TAF1: variants seen among roughly 807,000 people sequenced by gnomAD.
TAF1 encodes the protein TATA-box binding protein associated factor 1.
In TAF1, 2 loss-of-function variants were observed where a neutral mutation model predicts 138.5. The ratio of observed to expected loss-of-function variants is 0.01; its 90% CI spans 0.01 to 0.05. The LOEUF is 0.05. TAF1 is among the 10% of genes least tolerant of loss of function. The pLI is 1.00. For synonymous variants in TAF1, 437 were observed against 503.2 expected (o/e 0.87, Z 1.76); for missense variants, 709 against 1,478.0 (o/e 0.48, Z 8.53).
chrX:71,393,221 G>A (rs2148375916), intron 20 of TAF1, 80 bp from the exon 21 acceptor site: 1 of 1,037,859 alleles, frequency 9.6e-7, no homozygotes, highest in East Asian at 3.2e-5. Flanking sequence ...ATCCCTGAAT[G>A]ATTTGTGTGT....
chrX:71,508,086 C>CTCTCTCTCTCTATATA (rs4040068), intron 13 of TAF1, among the ~76,000 whole-genome samples: 62 of 92,173 alleles, frequency 6.7e-4, no homozygotes, highest in Middle Eastern at 5.7e-3. Context: ...CTCTCTCTCT[C>CTCTCTCTCTCTATATA]TATATATATA....
chrX:71,469,692 A>G (rs1335193350), downstream of TAF1, among the ~76,000 whole-genome samples: 2 of 109,922 alleles, frequency 1.8e-5, no homozygotes, highest in African/African-American at 6.6e-5. Context: ...ATACAGTTTT[A>G]TTTTTTATTT....
intron 29 of TAF1, among the ~76,000 whole-genome samples, chrX:71,422,897 G>A (rs983409851): frequency 1.2e-4 from 13 of 110,279 alleles, no homozygotes; most frequent in Admixed American, 1.9e-4. Flanking sequence ...CCGCCACCAC[G>A]CCCAGCTAGT....
intron 32 of TAF1, among the ~76,000 whole-genome samples, chrX:71,451,347 G>T (rs1217205780): frequency 4.5e-5 from 5 of 111,951 alleles, no homozygotes; most frequent in African/African-American, 1.6e-4. Flanking sequence ...ATGATTCAAA[G>T]AAATAAATGT....
At chrX:71,427,586 A>G (rs1454106898) in intron 32 of TAF1, among the ~76,000 whole-genome samples, 1 of 112,169 alleles carries the variant, frequency 8.9e-6, no homozygotes, top group Non-Finnish European at 1.9e-5. Flanking sequence ...AAATCACAAA[A>G]GAGAAAAATT....
chrX:71,410,454 CTTTTTTTTTTT>C (rs57027102), intron 28 of TAF1, among the ~76,000 whole-genome samples: 1 of 70,648 alleles, frequency 1.4e-5, no homozygotes, highest in Admixed American at 1.6e-4. Flanking sequence ...TTTCTTTTTT[CTTTTTTTTTTT>C]TTTTTTTTTT....
chrX:71,490,466 G>T (rs755995122), intron 13 of TAF1, among the ~76,000 whole-genome samples: 1 of 109,357 alleles, frequency 9.1e-6, no homozygotes, highest in Non-Finnish European at 1.9e-5. Context: ...TCTCTCTGTC[G>T]CCCAGGCTGG....
At chrX:71,381,328 G>A (rs1369821371) in intron 8 of TAF1, among the ~76,000 whole-genome samples, 1 of 111,914 alleles carries the variant, frequency 8.9e-6, no homozygotes, top group Non-Finnish European at 1.9e-5. Flanking sequence ...GCAATGGCAC[G>A]ATCTCAGCTC....
intron 8 of TAF1, among the ~76,000 whole-genome samples, chrX:71,380,671 A>G (rs1227241922): frequency 8.9e-6 from 1 of 112,187 alleles, no homozygotes; most frequent in African/African-American, 3.2e-5. Flanking sequence ...AAGCTGGATT[A>G]CTTTTATATT....
chrX:71,403,993 A>G (rs1377941881), intron 25 of TAF1, among the ~76,000 whole-genome samples: 1 of 105,899 alleles, frequency 9.4e-6, no homozygotes, highest in Non-Finnish European at 1.9e-5. Flanking sequence ...TTTTTTCTCG[A>G]GACAGAGTCT....
intron 34 of TAF1, among the ~76,000 whole-genome samples, chrX:71,457,435 A>G (rs1281282382): frequency 8.9e-6 from 1 of 112,358 alleles, no homozygotes; most frequent in African/African-American, 3.2e-5. Flanking sequence ...ATTGATCAAT[A>G]TGGTTTTGTG....
At chrX:71,407,861 A>T (rs1200802213) in intron 27 of TAF1, 113 bp from the exon 28 acceptor site, 57 of 1,043,203 alleles carry the variant, frequency 5.5e-5, no homozygotes, top group Non-Finnish European at 7.0e-5. Context: ...CTCCATCTAG[A>T]AAGATTCCTT....
At chrX:71,429,002 G>A (rs188277686) in intron 32 of TAF1, among the ~76,000 whole-genome samples, 21 of 111,660 alleles carry the variant, frequency 1.9e-4, no homozygotes, top group African/African-American at 3.9e-4. Flanking sequence ...GAGGCCGGGC[G>A]CGGTGGCTCA....
chrX:71,486,479 C>T (rs2039174268), intron 13 of TAF1, among the ~76,000 whole-genome samples: 1 of 109,832 alleles, frequency 9.1e-6, no homozygotes, highest in African/African-American at 3.3e-5. Flanking sequence ...CACCCCAGTC[C>T]CAGTAGCTGG....
intron 13 of TAF1, among the ~76,000 whole-genome samples, chrX:71,483,801 T>TAC (rs1270752304): frequency 1.0e-5 from 1 of 97,670 alleles, no homozygotes; most frequent in Non-Finnish European, 2.0e-5. Context: ...TATATATATA[T>TAC]ATACACACAC....
chrX:71,503,127 C>T (rs1329839606), intron 13 of TAF1, among the ~76,000 whole-genome samples: 2 of 105,720 alleles, frequency 1.9e-5, no homozygotes, highest in South Asian at 4.1e-4. Flanking sequence ...AAAAATTAGC[C>T]GGGTGTGGTG....
At chrX:71,402,211 G>A (rs1225237235) in intron 25 of TAF1, among the ~76,000 whole-genome samples, 1 of 111,864 alleles carries the variant, frequency 8.9e-6, no homozygotes, top group Non-Finnish European at 1.9e-5. Flanking sequence ...GGGTTCAAGC[G>A]ATTCTCACGC....
intron 13 of TAF1, among the ~76,000 whole-genome samples, chrX:71,508,086 C>CTCTCTCTCTATATATATATATATA (rs4040068): frequency 8.7e-5 from 8 of 92,173 alleles, no homozygotes; most frequent in African/African-American, 2.6e-4. Context: ...CTCTCTCTCT[C>CTCTCTCTCTATATATATATATATA]TATATATATA....
rs185486510 is a variant in TAF1, at chrX:71,497,354, G to A, written c.1367-31188G>A. On this transcript the variant is annotated intron_variant and NMD_transcript_variant, in intron 13 of 14. Transcript: ENST00000373775. ...CACACATGTGAGTATTTGAAGCACC[G>A]GTCCCTCAAGAAGTAGCACCTGGTA... Among the ~76,000 whole-genome samples the A allele has an allele frequency of 2.9e-3, 323 of 110,479 alleles. 1 individual carries two copies. The highest frequency in any genetic ancestry group is 4.9e-3 in the Non-Finnish European group (259 of 52,657).
Sources: allele counts gnomAD v4.1 joint callset (sites outside exome capture counted in the v4.1 genomes callset), GRCh38; gene constraint gnomAD v4.1.1; transcripts MANE v1.5; gene names NCBI Gene and HGNC (gene_info 2026-07-23, HGNC 2026-07-21).